Variants in KPNA7 observed in about 807,000 individuals in gnomAD.
KPNA7 encodes the protein importin subunit alpha-8.
Under a neutral mutation model 53.7 loss-of-function variants are expected in KPNA7, and 54 were observed. The observed-to-expected ratio is 1.01, with a 90% CI of 0.81 to 1.26. The LOEUF is 1.26. Ranked by LOEUF, KPNA7 falls within the 50% of genes most tolerant of loss-of-function variation. KPNA7 has a pLI of 0.00. For synonymous variants in KPNA7, 276 were observed against 259.3 expected, an observed-to-expected ratio of 1.06 and a Z score of -0.62; for missense variants, 640 against 644.5, an observed-to-expected ratio of 0.99 and a Z score of 0.07.
At chr7:99,163,646 C>G in the KPNA7 span, among the ~76,000 whole-genome samples, 2 of 151,592 alleles carry the variant, frequency 1.3e-5, no homozygotes, top group Non-Finnish European at 2.9e-5. Flanking sequence ...CTCAGCCTCC[C>G]AAAGTGCTGG....
intron 10 of KPNA7, among the ~76,000 whole-genome samples, chr7:99,177,354 G>A (rs956844874): frequency 4.6e-5 from 7 of 152,074 alleles, no homozygotes; most frequent in African/African-American, 1.2e-4. Context: ...ACGCCAAGGC[G>A]GGTGGATCAC....
intron 3 of KPNA7, among the ~76,000 whole-genome samples, chr7:99,202,013 T>TC: frequency 6.6e-6 from 1 of 152,070 alleles, no homozygotes; most frequent in Non-Finnish European, 1.5e-5. Flanking sequence ...TGGCCTTTTT[T>TC]CCCTTTTGTT....
At chr7:99,218,140 C>T (rs1791259887) in intron 1 of KPNA7, among the ~76,000 whole-genome samples, 1 of 152,260 alleles carries the variant, frequency 6.6e-6, no homozygotes, top group South Asian at 2.1e-4. Context: ...GCCAGGACCA[C>T]AGGCATGCAC....
the KPNA7 span, among the ~76,000 whole-genome samples, chr7:99,154,923 C>A: frequency 2.6e-5 from 4 of 151,926 alleles, no homozygotes; most frequent in Non-Finnish European, 4.4e-5. Flanking sequence ...ATTGACACAC[C>A]CCCTCAATTC....
chr7:99,175,428 C>T (rs1476957314), intron 10 of KPNA7, among the ~76,000 whole-genome samples: 2 of 152,086 alleles, frequency 1.3e-5, no homozygotes, highest in Non-Finnish European at 2.9e-5. Context: ...ATCCACCTGT[C>T]TTAGCTTCCC....
In KPNA7 at chr7:99,188,421, T is replaced by C; in HGVS notation, c.779A>G (p.Asp260Gly). ...LQHQDSEVLS[D>G]ACWALSYLTD... ...GAGGTAGGACAGTGCCCAGCAGGCA[T>C]CCGAGAGAACCTCACTGTCCTGGTG... The change falls in exon 7 of 11, where the codon GAT becomes GGT. Residue 260 changes from aspartate to glycine, a missense_variant. Physicochemically the swap from Asp to Gly is moderately conservative, Grantham distance 94. Coordinates refer to ENST00000327442, the MANE Select transcript of KPNA7 (RefSeq NM_001145715.3). The C allele has an allele frequency of 6.4e-7, 1 of 1,551,608 alleles. No homozygotes were observed. Among genetic ancestry groups the C allele is most frequent in the Non-Finnish European group, 8.7e-7 (1 of 1,146,994 alleles).
chr7:99,191,430 C>T (rs938597390), intron 6 of KPNA7, among the ~76,000 whole-genome samples: 7 of 151,988 alleles, frequency 4.6e-5, no homozygotes, highest in Non-Finnish European at 8.8e-5. Flanking sequence ...CTACCGCATC[C>T]GGCCTCTCTC....
At chr7:99,187,617 G>A (rs1316832276) in intron 7 of KPNA7, among the ~76,000 whole-genome samples, 4 of 142,830 alleles carry the variant, frequency 2.8e-5, no homozygotes, top group African/African-American at 7.7e-5. Context: ...GCAGTGGCAC[G>A]ATCTCAGCTC....
In KPNA7 at chr7:99,177,947, C is replaced by T. The variant is rs1359772143; in HGVS notation, c.1437G>A (p.Leu479=). 6 of 1,552,060 alleles carry T rather than the reference C, an allele frequency of 3.9e-6. No homozygotes were observed. Among genetic ancestry groups the T allele is most frequent in the African/African-American group, 1.4e-5 (1 of 73,132 alleles). ...CACCAAAGTGCTTCTCGATGATGTTCAAAGCCGACTGGCCAATTTGACGGT... is the reference window on the plus strand; with the variant it reads ...CACCAAAGTGCTTCTCGATGATGTTTAAAGCCGACTGGCCAATTTGACGGT... ...HENRQIGQSA[L]NIIEKHFGEE... is the part of the protein sequence containing the mutation. The change falls in exon 10 of 11, where the codon TTG becomes TTA. Residue 479 remains leucine, a synonymous_variant. Coordinates refer to ENST00000327442, the MANE Select transcript of KPNA7 (RefSeq NM_001145715.3).
Position 99,193,041 on chromosome 7 carries a change from G to C in KPNA7, c.614C>G (p.Ala205Gly). The C allele has an allele frequency of 1.3e-6, 2 of 1,509,526 alleles. No homozygotes were observed. Among genetic ancestry groups the C allele is most frequent in the Non-Finnish European group, 1.8e-6 (2 of 1,131,486 alleles). The allele number at this position is 1,509,526 out of a possible 1,614,324, so 93.5% of individuals were successfully genotyped here. Reference protein sequence around the residue: ...ITSNAIPHLLALISPTLPITF... With the variant: ...ITSNAIPHLLGLISPTLPITF... ...TACCGGCAGGGTGGGTGAAATCAAG[G>C]CTAGGAGATGTGGGATGGCATTGCT... Residue 205 changes from alanine to glycine, a missense_variant, in exon 6 of 11, where the codon GCC (alanine) becomes GGC (glycine). Coordinates refer to ENST00000327442, the MANE Select transcript of KPNA7 (RefSeq NM_001145715.3).
intron 4 of KPNA7, 63 bp from the exon 5 acceptor site, chr7:99,195,401 CT>C (rs916148045): frequency 6.8e-7 from 1 of 1,470,016 alleles, no homozygotes. Flanking sequence ...TAAGGACCTC[CT>C]TTTAGGCCAG....
intron 1 of KPNA7, among the ~76,000 whole-genome samples, chr7:99,216,496 AC>A (rs925786482): frequency 6.6e-6 from 1 of 152,110 alleles, no homozygotes; most frequent in African/African-American, 2.4e-5. Context: ...TGTGACAGGT[AC>A]CAGAGGCCCT....
At position 99,188,490 on chromosome 7, in the gene KPNA7, G is replaced by A. The variant is rs866977562; in HGVS notation, c.710C>T (p.Thr237Ile). The change falls in exon 7 of 11, where the codon ACT (threonine) becomes ATT (isoleucine). Residue 237 changes from threonine (T) to isoleucine (I), a missense_variant. Coordinates refer to ENST00000327442, the MANE Select transcript of KPNA7 (RefSeq NM_001145715.3). ...GGCCGGCAGTATCTGCTTCACCGCA[G>A]TGTCGCAAGGGTATGGGTTCTTGTT... ...CRNKNPYPCD[T>I]AVKQILPALL... 6.4e-7 allele frequency: 1 copy of A among 1,551,734 alleles called. No homozygotes were observed.
At chr7:99,176,114 C>T (rs1355202796) in intron 10 of KPNA7, among the ~76,000 whole-genome samples, 4 of 151,432 alleles carry the variant, frequency 2.6e-5, no homozygotes, top group East Asian at 2.0e-4. Flanking sequence ...CTGGCTAACA[C>T]GGTGAAACCC....
At chr7:99,206,061 C>T (rs561302115) in intron 2 of KPNA7, among the ~76,000 whole-genome samples, 26 of 152,308 alleles carry the variant, frequency 1.7e-4, no homozygotes, top group Admixed American at 9.8e-4. Context: ...TATATGCTAA[C>T]GTTTTAGCTC....
At chr7:99,167,508 ACTGGCGCAAC>A in the KPNA7 span, among the ~76,000 whole-genome samples, 1 of 151,916 alleles carries the variant, frequency 6.6e-6, no homozygotes, top group Non-Finnish European at 1.5e-5. Flanking sequence ...GCTGGAGTAT[ACTGGCGCAAC>A]CTTGGCTCAC....
intron 8 of KPNA7, among the ~76,000 whole-genome samples, chr7:99,182,998 G>A (rs1378037329): frequency 5.9e-5 from 9 of 152,132 alleles, no homozygotes; most frequent in Admixed American, 5.9e-4. Flanking sequence ...GCTCACACCT[G>A]CAATCCCAGC....
At chr7:99,163,708 C>A in the KPNA7 span, among the ~76,000 whole-genome samples, 33 of 148,328 alleles carry the variant, frequency 2.2e-4, no homozygotes, top group African/African-American at 8.2e-4. Context: ...TTATATATAA[C>A]AAATATTACC....
At chr7:99,148,672 G>A in the KPNA7 span, among the ~76,000 whole-genome samples, 1 of 152,032 alleles carries the variant, frequency 6.6e-6, no homozygotes, top group Non-Finnish European at 1.5e-5. Flanking sequence ...GCTGACTTCA[G>A]CCTCGAACTC....
Sources: gnomAD v4.1 joint callset for allele counts (sites outside exome capture counted in the v4.1 genomes callset) on GRCh38, gnomAD v4.1.1 for gene constraint, MANE v1.5 for transcripts, NCBI Gene and HGNC (gene_info 2026-07-23, HGNC 2026-07-21) for gene names.